Variants in BCAS3 observed in about 807,000 individuals in gnomAD.
BCAS3 encodes BCAS4/BCAS3 fusion.
BCAS3 carries 53 observed loss-of-function variants against 116.1 expected under a neutral mutation model. The observed-to-expected ratio is 0.46, with a 90% confidence interval of 0.37 to 0.57. The LOEUF (loss-of-function observed/expected upper bound fraction) is 0.57, where lower values mean the gene tolerates loss of function less well. BCAS3 is among the 20% of genes least tolerant of loss of function. The pLI is 0.00. For missense variants in BCAS3, 917 were observed against 1,165.4 expected (o/e 0.79, Z 3.10); for synonymous variants, 391 against 408.2 (o/e 0.96, Z 0.51).
In BCAS3 at chr17:61,095,983, T is replaced by A. The variant is rs1033261974; in HGVS notation, c.2425+11419T>A. On this transcript the variant is annotated intron_variant, in intron 22 of 23. Coordinates refer to ENST00000407086, the MANE Select transcript of BCAS3 (RefSeq NM_017679.5). This position sits in a 1 kb window ranked among gnomAD's most constrained non-coding sequence, Gnocchi z 4.7. Reference sequence around the variant, plus strand: ...GGAAGTATTGACATCTTAAAAATACTAAATCTTTCAAAACAAGCTTTTTTA... The same window carrying A: ...GGAAGTATTGACATCTTAAAAATACAAAATCTTTCAAAACAAGCTTTTTTA... Among the ~76,000 whole-genome samples, 9 of 152,138 alleles carry A rather than the reference T, an allele frequency of 5.9e-5. No homozygotes were observed. The highest frequency in any genetic ancestry group is 2.2e-4 in the African/African-American group (9 of 41,430).
rs1479254364 is a variant in BCAS3 at position 61,068,681 on chromosome 17, A to AC, written c.2030-6237dup. Among the ~76,000 whole-genome samples the AC allele has an allele frequency of 6.6e-6, 1 of 152,134 alleles. No homozygotes were observed. The highest frequency in any genetic ancestry group is 1.5e-5 in the Non-Finnish European group (1 of 68,022). On this transcript the variant is annotated intron_variant, in intron 19 of 23. Coordinates refer to ENST00000407086, the MANE Select transcript of BCAS3 (RefSeq NM_017679.5). The surrounding 1 kb of genome is among the most constrained non-coding windows in gnomAD (Gnocchi z 4.3). ...CCCAAGATTGAAGACATAAGTTTTCACCGCCATTGGTCCCTAAAACTTCTT... is the reference window on the plus strand; with the variant it reads ...CCCAAGATTGAAGACATAAGTTTTCACCCGCCATTGGTCCCTAAAACTTCTT...
rs1217085225 is a variant in BCAS3 at position 61,136,391 on chromosome 17, CG to C, written c.2425+51828del. On this transcript the variant is annotated intron_variant, in intron 22 of 23. Coordinates refer to ENST00000407086, the MANE Select transcript of BCAS3 (RefSeq NM_017679.5). This position sits in a 1 kb window ranked among gnomAD's most constrained non-coding sequence, Gnocchi z 4.4. ...ATATCTGTAGAACAGGGTTTCTCAG[CG>C]TAAGTACTGAAGGTATTTTGGACTG... Among the ~76,000 whole-genome samples the C allele has an allele frequency of 6.6e-6, 1 of 152,160 alleles. No homozygotes were observed. The highest frequency in any genetic ancestry group is 2.4e-5 in the African/African-American group (1 of 41,430).
At chr17:61,290,991 A>G (rs939020572) in intron 22 of BCAS3, among the ~76,000 whole-genome samples, 6 of 152,018 alleles carry the variant, frequency 3.9e-5, no homozygotes, top group Non-Finnish European at 7.4e-5. Flanking sequence ...CATGTTAGCC[A>G]GGATGATCTC....
chr17:60,940,636 G>A (rs987826603), intron 13 of BCAS3, among the ~76,000 whole-genome samples: 2 of 152,172 alleles, frequency 1.3e-5, no homozygotes, highest in African/African-American at 4.8e-5. Context: ...TAATTTGTAA[G>A]TTTGTATCTA....
chr17:61,369,327 T>C (rs540502239), intron 23 of BCAS3, among the ~76,000 whole-genome samples: 25 of 152,296 alleles, frequency 1.6e-4, no homozygotes, highest in Middle Eastern at 3.4e-3. Flanking sequence ...TAGAGGCCTT[T>C]TCTCTCCTGC....
chr17:60,906,150 G>A (rs1027083810), intron 11 of BCAS3, among the ~76,000 whole-genome samples: 1 of 152,236 alleles, frequency 6.6e-6, no homozygotes, highest in Non-Finnish European at 1.5e-5. Context: ...TTATTTGGGG[G>A]CTGATTTTTA....
intron 6 of BCAS3, among the ~76,000 whole-genome samples, chr17:60,783,780 C>A (rs987873497): frequency 1.3e-5 from 2 of 152,142 alleles, no homozygotes; most frequent in Non-Finnish European, 2.9e-5. Context: ...GAAATGTACT[C>A]CACCTCACAG....
chr17:61,156,165 A>G lies in BCAS3; in HGVS notation c.2425+71601A>G, dbSNP rs1228524332. Among the ~76,000 whole-genome samples the G allele has an allele frequency of 2.0e-5, 3 of 146,726 alleles. No individual in the cohort carries two copies. In the East Asian group the frequency reaches 5.8e-4, roughly 28 times the overall value. On this transcript the variant is annotated intron_variant, in intron 22 of 23. Coordinates refer to ENST00000407086, the MANE Select transcript of BCAS3 (RefSeq NM_017679.5). This position sits in a 1 kb window ranked among gnomAD's most constrained non-coding sequence, Gnocchi z 4.7. ...GAGACAGAGAAAGACAGTCAGCCAG[A>G]CACATTAAAAAAAAAAAAAAGAAAA...
intron 5 of BCAS3, among the ~76,000 whole-genome samples, chr17:60,723,612 T>G (rs187915818): frequency 2.2e-4 from 34 of 152,288 alleles, no homozygotes; most frequent in Non-Finnish European, 4.6e-4. Flanking sequence ...ACATTTAAAT[T>G]TGATGCAGTA....
At chr17:61,267,944 C>G (rs1463385290) in intron 22 of BCAS3, among the ~76,000 whole-genome samples, 1 of 152,060 alleles carries the variant, frequency 6.6e-6, no homozygotes, top group Non-Finnish European at 1.5e-5. Context: ...AACCCATACT[C>G]ACCCCTCCCC....
chr17:60,769,315 G>A (rs2044415104), intron 6 of BCAS3, among the ~76,000 whole-genome samples: 1 of 152,198 alleles, frequency 6.6e-6, no homozygotes, highest in Non-Finnish European at 1.5e-5. Flanking sequence ...CTGCCACTGA[G>A]GAGAGTGAGG....
chr17:61,192,282 C>T (rs984073371), intron 22 of BCAS3, among the ~76,000 whole-genome samples: 6 of 100,204 alleles, frequency 6.0e-5, no homozygotes, highest in Non-Finnish European at 4.7e-5. Flanking sequence ...AGTTTAGAAA[C>T]GTCAACATTT....
chr17:61,350,634 CTTTT>C (rs35195040), intron 22 of BCAS3, among the ~76,000 whole-genome samples: 33 of 140,454 alleles, frequency 2.3e-4, no homozygotes, highest in Non-Finnish European at 2.0e-4. Context: ...ATTATTCAGT[CTTTT>C]TTTTTTTTTT....
chr17:60,804,604 G>T (rs540675658), intron 6 of BCAS3, among the ~76,000 whole-genome samples: 1 of 151,844 alleles, frequency 6.6e-6, no homozygotes, highest in Non-Finnish European at 1.5e-5. Flanking sequence ...AGTGTAATTC[G>T]TTGTGTTGTT....
At chr17:60,872,406 A>G (rs2055190202) in intron 8 of BCAS3, among the ~76,000 whole-genome samples, 1 of 150,904 alleles carries the variant, frequency 6.6e-6, no homozygotes, top group South Asian at 2.1e-4. Context: ...ACACACACAT[A>G]CCCCATATAT....
chr17:61,242,686 C>A lies in BCAS3; in HGVS notation c.2426-125641C>A, dbSNP rs548803789. On this transcript the variant is annotated intron_variant, in intron 22 of 23. Coordinates refer to ENST00000407086, the MANE Select transcript of BCAS3 (RefSeq NM_017679.5). ...ATATATGTCCAGAGCCTATCTTCTA[C>A]CAGTCAGCCTTGTTTTTGCTTACAT... Among the ~76,000 whole-genome samples, 6 of 152,278 alleles carry A rather than the reference C, an allele frequency of 3.9e-5. No homozygotes were observed. The South Asian group carries it at 1.2e-3, about 32-fold the overall frequency.
At chr17:60,856,900 AC>A (rs1393689196) in intron 7 of BCAS3, among the ~76,000 whole-genome samples, 2 of 152,144 alleles carry the variant, frequency 1.3e-5, no homozygotes, top group African/African-American at 4.8e-5. Flanking sequence ...CTTTTAATTA[AC>A]CCTCTTCACT....
rs939989249 is a variant in BCAS3, at chr17:61,048,487, G to C, written c.2029+7595G>C. 3.9e-5 allele frequency among the ~76,000 whole-genome samples: 6 copies of C among 152,030 alleles called. 1 individual carries two copies. The highest frequency in any genetic ancestry group is 8.8e-5 in the Non-Finnish European group (6 of 67,976). ...GAACTCCCTCAGTTGAGGAGACAGA[G>C]CTGAGAGTCCAGTAAGACCAAAGAA... On this transcript the variant is annotated intron_variant, in intron 19 of 23. Coordinates refer to ENST00000407086, the MANE Select transcript of BCAS3 (RefSeq NM_017679.5).
rs2058112368 is a variant in BCAS3, at chr17:61,355,925, A to G, written c.2426-12402A>G. ...TGAGCCCTGCCATAGGAATCCTATC[A>G]CAGCTCTATGTGTATGTTTTCTATC... On this transcript the variant is annotated intron_variant, in intron 22 of 23. Transcript: ENST00000407086. The surrounding 1 kb of genome is among the most constrained non-coding windows in gnomAD (Gnocchi z 4.2). 6.6e-6 allele frequency among the ~76,000 whole-genome samples: 1 copy of G among 152,208 alleles called. No homozygotes were observed. The highest frequency in any genetic ancestry group is 2.1e-4 in the South Asian group (1 of 4,832).
Sources: gnomAD v4.1 joint callset for allele counts (sites outside exome capture counted in the v4.1 genomes callset) on GRCh38, gnomAD v4.1.1 for gene constraint, Gnocchi (gnomAD v3.1) non-coding constraint, MANE v1.5 for transcripts, NCBI Gene and HGNC (gene_info 2026-07-23, HGNC 2026-07-21) for gene names.